CPVL: variants seen among roughly 807,000 people sequenced by gnomAD.
The protein encoded by CPVL is probable serine carboxypeptidase CPVL.
CPVL carries 51 observed loss-of-function variants against 63.7 expected under a neutral mutation model. That is an observed-to-expected ratio of 0.80 (90% CI 0.64 to 1.01). The LOEUF (loss-of-function observed/expected upper bound fraction) is 1.01. Among genes scored for constraint, CPVL ranks in the 50% least tolerant of loss-of-function variants. The pLI is 0.00. For synonymous variants in CPVL, 195 were observed against 206.0 expected, an observed-to-expected ratio of 0.95 and a Z score of 0.46; for missense variants, 530 against 573.1, an observed-to-expected ratio of 0.92 and a Z score of 0.77.
At chr7:29,114,667 G>C (rs1176033794) in intron 2 of CPVL, among the ~76,000 whole-genome samples, 1 of 151,782 alleles carries the variant, frequency 6.6e-6, no homozygotes, top group Non-Finnish European at 1.5e-5. Context: ...CTCTCAAAAG[G>C]AAAACCTCTC....
intron 5 of CPVL, among the ~76,000 whole-genome samples, chr7:29,094,633 G>C (rs372144913): frequency 1.2e-4 from 18 of 152,206 alleles, no homozygotes; most frequent in African/African-American, 3.9e-4. Flanking sequence ...GATCACCTAA[G>C]GTCAGGAGTT....
chr7:29,060,364 C>G (rs1331458423), intron 11 of CPVL, among the ~76,000 whole-genome samples: 1 of 152,172 alleles, frequency 6.6e-6, no homozygotes, highest in Admixed American at 6.6e-5. Flanking sequence ...GTAACCAGAG[C>G]TCAAACTCAA....
chr7:29,139,699 T>C (rs1451735258), intron 1 of CPVL, among the ~76,000 whole-genome samples: 1 of 152,170 alleles, frequency 6.6e-6, no homozygotes, highest in East Asian at 1.9e-4. Flanking sequence ...TACACAAGAA[T>C]GGTGGAAAGA....
chr7:29,093,187 A>G (rs1786009311), intron 5 of CPVL, among the ~76,000 whole-genome samples: 1 of 151,766 alleles, frequency 6.6e-6, no homozygotes, highest in Admixed American at 6.6e-5. Flanking sequence ...GGAGTTTGAG[A>G]CCAGCCTGGC....
chr7:29,139,569 T>C (rs182295447), intron 1 of CPVL, among the ~76,000 whole-genome samples: 4 of 152,328 alleles, frequency 2.6e-5, no homozygotes, highest in Admixed American at 1.3e-4. Context: ...TTAAATTACA[T>C]GTTTTTTAAG....
At chr7:29,112,651 T>G (rs1788363612) in intron 3 of CPVL, 53 bp downstream of exon 3, 3 of 1,221,666 alleles carry the variant, frequency 2.5e-6, no homozygotes, top group Non-Finnish European at 3.6e-6. Flanking sequence ...ATTTCTACCC[T>G]CAAACGGCAA....
At chr7:29,064,316 A>G in intron 10 of CPVL, 82 bp from the exon 11 acceptor site, 1 of 764,206 alleles carries the variant, frequency 1.3e-6, no homozygotes, top group East Asian at 2.7e-5. Flanking sequence ...TGAATTTCTC[A>G]TAACATACAA....
chr7:29,059,096 T>G (rs1791024347), intron 11 of CPVL, among the ~76,000 whole-genome samples: 1 of 152,162 alleles, frequency 6.6e-6, no homozygotes, highest in African/African-American at 2.4e-5. Context: ...AAAATTTTTT[T>G]AAGTCTTTGT....
At chr7:29,049,701 G>A in intron 11 of CPVL, among the ~76,000 whole-genome samples, 1 of 151,938 alleles carries the variant, frequency 6.6e-6, no homozygotes, top group Non-Finnish European at 1.5e-5. Context: ...AACCAGGAAA[G>A]GACATAACCA....
chr7:29,091,297 T>C (rs1356018014), intron 6 of CPVL, among the ~76,000 whole-genome samples: 1 of 152,126 alleles, frequency 6.6e-6, no homozygotes, highest in African/African-American at 2.4e-5. Context: ...GCAGTGATGC[T>C]CTGTCTTAGA....
At chr7:29,174,055 A>G (rs1221121384) in intron 5 of CPVL, among the ~76,000 whole-genome samples, 1 of 152,160 alleles carries the variant, frequency 6.6e-6, no homozygotes, top group African/African-American at 2.4e-5. Flanking sequence ...ACACACTCCC[A>G]AGCTTCTCTT....
chr7:29,126,062 G>A (rs972980896), intron 1 of CPVL, among the ~76,000 whole-genome samples: 3 of 152,192 alleles, frequency 2.0e-5, no homozygotes, highest in Admixed American at 2.0e-4. Context: ...TGTTATTGAA[G>A]AAGTTACATT....
intron 1 of CPVL, among the ~76,000 whole-genome samples, chr7:29,139,532 G>T (rs1791619451): frequency 1.5e-5 from 2 of 133,358 alleles, no homozygotes; most frequent in Non-Finnish European, 3.3e-5. Context: ...GGCTATTCTT[G>T]GGGGGGCAGG....
chr7:29,026,732 G>A (rs999110909), intron 12 of CPVL, among the ~76,000 whole-genome samples: 1 of 152,112 alleles, frequency 6.6e-6, no homozygotes, highest in Admixed American at 6.6e-5. Context: ...TAACAAACTG[G>A]AAAACCTAGG....
chr7:29,035,264 A>C (rs1788412743), intron 11 of CPVL, among the ~76,000 whole-genome samples: 1 of 152,200 alleles, frequency 6.6e-6, no homozygotes, highest in Non-Finnish European at 1.5e-5. Context: ...TGTTATGGAA[A>C]CTGTGATACT....
chr7:29,147,600 A>G (rs138885079), upstream of CPVL, among the ~76,000 whole-genome samples: 9 of 152,322 alleles, frequency 5.9e-5, no homozygotes, highest in East Asian at 1.7e-3. Flanking sequence ...ACCCAGCACA[A>G]AGTATGTGCT....
chr7:29,097,142 G>A (rs1786520001), intron 3 of CPVL, among the ~76,000 whole-genome samples: 1 of 152,188 alleles, frequency 6.6e-6, no homozygotes, highest in Non-Finnish European at 1.5e-5. Flanking sequence ...GATTTATTTA[G>A]GAGATGTGGG....
At position 29,092,837 on chromosome 7, in the gene CPVL, CT is replaced by C. The variant is rs1584239834; in HGVS notation, c.463-136del. The C allele has an allele frequency of 2.4e-5, 16 of 679,416 alleles. No homozygotes were observed. The East Asian group carries it at 3.8e-4, about 16-fold the overall frequency. The allele number at this position is 679,416 out of a possible 1,614,324, so 42.1% of individuals were successfully genotyped here. On this transcript the variant is annotated intron_variant, in intron 5 of 12. Transcript: ENST00000265394. Reference sequence around the variant, plus strand: ...ACTTCAGATTTTTGCCGTTGCCCCCCTATGCCTTTAGCCCTCCTCCCAGGAG... The same window carrying C: ...ACTTCAGATTTTTGCCGTTGCCCCCCATGCCTTTAGCCCTCCTCCCAGGAG...
At position 29,096,169 on chromosome 7, in the gene CPVL, C is replaced by G; in HGVS notation, c.337G>C (p.Gly113Arg). ...PVVLWLQGGPGGSSMFGLFVE... is the reference protein window; with the variant it reads ...PVVLWLQGGPRGSSMFGLFVE... ...AAGAGTCCAAACATGGATGAACCTC[C>G]CGGCCCACCCTGTAGCCAGAGAACT... Residue 113 changes from glycine (G) to arginine (R), a missense_variant, in exon 4 of 13, where the codon GGA becomes CGA. Physicochemically the swap from Gly to Arg is moderately radical, Grantham distance 125 (BLOSUM62 -2). Transcript: ENST00000265394. 2 of 1,614,166 alleles carry G rather than the reference C, an allele frequency of 1.2e-6. No individual in the cohort carries two copies. Among genetic ancestry groups the G allele is most frequent in the Non-Finnish European group, 1.7e-6 (2 of 1,180,012 alleles).
Sources: gnomAD v4.1 joint callset for allele counts (sites outside exome capture counted in the v4.1 genomes callset) on GRCh38, gnomAD v4.1.1 for gene constraint, MANE v1.5 for transcripts, NCBI Gene and HGNC (gene_info 2026-07-23, HGNC 2026-07-21) for gene names.